The following OSBPL9 variants were observed in gnomAD, a reference collection of about 807,000 sequenced individuals.
The protein encoded by OSBPL9 is oxysterol-binding protein-related protein 9.
OSBPL9 carries 40 observed loss-of-function variants against 106.6 expected under a neutral mutation model. The ratio of observed to expected loss-of-function variants is 0.38; its 90% CI spans 0.29 to 0.49. The LOEUF (loss-of-function observed/expected upper bound fraction) is 0.49, where lower values mean the gene tolerates loss of function less well. Ranked by LOEUF, OSBPL9 falls within the 20% of genes least tolerant of loss-of-function variation. OSBPL9 has a pLI of 0.97. For missense variants in OSBPL9, 609 were observed against 887.2 expected, an observed-to-expected ratio of 0.69 and a Z score of 3.98; for synonymous variants, 269 against 295.4, an observed-to-expected ratio of 0.91 and a Z score of 0.92.
upstream of OSBPL9, among the ~76,000 whole-genome samples, chr1:51,615,529 T>C (rs1181186976): frequency 1.3e-5 from 2 of 152,214 alleles, no homozygotes; most frequent in Admixed American, 6.5e-5. Flanking sequence ...TCACTGCTGC[T>C]ATTCTCTCTT....
chr1:51,585,106 C>T (rs1318708524), intron 1 of OSBPL9, among the ~76,000 whole-genome samples: 1 of 150,866 alleles, frequency 6.6e-6, no homozygotes, highest in African/African-American at 2.4e-5. Context: ...CCCAGGAGTT[C>T]GAGGCTGCCA....
intron 4 of OSBPL9, among the ~76,000 whole-genome samples, chr1:51,737,234 A>G (rs1665898520): frequency 6.6e-6 from 1 of 152,006 alleles, no homozygotes; most frequent in Non-Finnish European, 1.5e-5. Context: ...CATTTGCCAG[A>G]TTTACTCCTG....
intron 1 of OSBPL9, among the ~76,000 whole-genome samples, chr1:51,579,055 AT>A (rs560800594): frequency 0.2 from 27,578 of 139,364 alleles, 3,738 homozygotes; most frequent in African/African-American, 0.41. Context: ...CTTCAGCAGA[AT>A]TTTTTTTTTT....
At position 51,730,179 on chromosome 1, in the gene OSBPL9, C is replaced by T. The variant is rs1319125372; in HGVS notation, c.319-15357C>T. The T allele has an allele frequency of 4.8e-6, 6 of 1,238,180 alleles. No homozygotes were observed. The East Asian group carries it at 1.9e-4, about 39-fold the overall frequency. The allele number at this position is 1,238,180 out of a possible 1,614,324, so 76.7% of individuals were successfully genotyped here. A position where few individuals can be genotyped will look rare whatever the true frequency, so the allele number is the denominator to read the frequency against. On this transcript the variant is annotated intron_variant, in intron 4 of 23. Coordinates refer to ENST00000428468, the MANE Select transcript of OSBPL9 (RefSeq NM_024586.6). ...CCTCTTCCTTGGGAGTTCTCAGTTC[C>T]TCAGCCTAGATGGGGTGGAGGCTGA... is the stretch of plus-strand genomic sequence containing the variant.
chr1:51,673,048 T>C (rs1361751161), intron 3 of OSBPL9, among the ~76,000 whole-genome samples: 1 of 152,094 alleles, frequency 6.6e-6, no homozygotes, highest in Non-Finnish European at 1.5e-5. Context: ...GAGGTCCAAC[T>C]ACAGAGCCCT....
intron 2 of OSBPL9, among the ~76,000 whole-genome samples, chr1:51,659,158 TCAGA>T (rs1646990651): frequency 6.6e-6 from 1 of 152,092 alleles, no homozygotes; most frequent in African/African-American, 2.4e-5. Context: ...AGAATTAATA[TCAGA>T]CATAGAATAC....
At chr1:51,745,340 T>C in intron 4 of OSBPL9, 196 bp from the exon 5 acceptor site, 1 of 672,808 alleles carries the variant, frequency 1.5e-6, no homozygotes, top group Non-Finnish European at 2.3e-6. Context: ...AGGGAAGCAG[T>C]GCTCCAAGTT....
In OSBPL9 at chr1:51,609,360, T is replaced by C. The variant is rs1303184214; in HGVS notation, c.-352-4945T>C. On this transcript the variant is annotated intron_variant, in intron 2 of 25. Transcript: ENST00000371714. The stretch of plus-strand genomic sequence containing the variant: ...CTCTCTCCTTTTTTTTTTTTTTTTT[T>C]AGAGATAGGGTGTCACTCTGTCGCC... 2.0e-5 allele frequency among the ~76,000 whole-genome samples: 3 copies of C among 150,062 alleles called. No homozygotes were observed. The East Asian group carries it at 5.9e-4, about 30-fold the overall frequency.
intron 8 of OSBPL9, 29 bp from the exon 9 acceptor site, chr1:51,756,291 A>G (rs1300128441): frequency 6.3e-7 from 1 of 1,592,792 alleles, no homozygotes; most frequent in South Asian, 1.1e-5. Flanking sequence ...GTAAGAATGA[A>G]GTTAATATTT....
chr1:51,761,844 T>C, intron 10 of OSBPL9, 23 bp from the exon 11 acceptor site: 2 of 1,548,684 alleles, frequency 1.3e-6, no homozygotes, highest in Non-Finnish European at 1.8e-6. Flanking sequence ...CTGTACCTTA[T>C]TTTATACGTT....
At chr1:51,675,620 A>G (rs1249449007) in intron 3 of OSBPL9, among the ~76,000 whole-genome samples, 1 of 152,184 alleles carries the variant, frequency 6.6e-6, no homozygotes, top group Non-Finnish European at 1.5e-5. Flanking sequence ...TAACAGGCTC[A>G]GAGGAATGAT....
chr1:51,787,982 A>G lies in OSBPL9; in HGVS notation c.*193A>G, dbSNP rs1678110279. On this transcript the variant is annotated 3_prime_UTR_variant, in exon 24 of 24. Coordinates refer to ENST00000428468, the MANE Select transcript of OSBPL9 (RefSeq NM_024586.6). Reference sequence around the variant, plus strand: ...CTTCCCTTTTCCCTCTGTGGCAGTTACGATTTTGACTTCAGTCCTGAGAAA... The same window carrying G: ...CTTCCCTTTTCCCTCTGTGGCAGTTGCGATTTTGACTTCAGTCCTGAGAAA... 1.8e-6 allele frequency: 1 copy of G among 560,122 alleles called. No individual in the cohort carries two copies. Among genetic ancestry groups the G allele is most frequent in the South Asian group, 2.5e-5 (1 of 40,230 alleles). The allele number at this position is 560,122 out of a possible 1,614,324, so 34.7% of individuals were successfully genotyped here. A position where few individuals can be genotyped will look rare whatever the true frequency, so the allele number is the denominator to read the frequency against.
chr1:51,693,370 C>T (rs1275642580), intron 3 of OSBPL9, among the ~76,000 whole-genome samples: 4 of 143,232 alleles, frequency 2.8e-5, no homozygotes, highest in African/African-American at 1.0e-4. Flanking sequence ...TTTTTTAAGA[C>T]TGTCTTTAAA....
At chr1:51,767,290 G>A (rs776687817) in intron 12 of OSBPL9, among the ~76,000 whole-genome samples, 5 of 151,982 alleles carry the variant, frequency 3.3e-5, no homozygotes, top group Admixed American at 2.6e-4. Context: ...CTACTCGGGA[G>A]GCTAAGATGG....
chr1:51,578,395 C>G (rs1645198985), intron 1 of OSBPL9, among the ~76,000 whole-genome samples: 1 of 152,154 alleles, frequency 6.6e-6, no homozygotes, highest in African/African-American at 2.4e-5. Context: ...TGTCTCAAAA[C>G]AAGGAGGCTC....
chr1:51,785,815 A>G lies in OSBPL9; in HGVS notation c.1837A>G (p.Asn613Asp). The G allele has an allele frequency of 6.2e-7, 1 of 1,609,820 alleles. No homozygotes were observed. Among genetic ancestry groups the G allele is most frequent in the Admixed American group, 1.7e-5 (1 of 58,792 alleles). ...HRITAEIFSP[N>D]DKKSFCSIEG... ...ATTTCCTTTTCTGTTCAGTTCTCCA[A>G]ATGACAAGAAGTCTTTTTGCTCAAT... The change falls in exon 21 of 24, where the codon AAT becomes GAT. Residue 613 changes from asparagine to aspartate, a missense_variant. Transcript: ENST00000428468.
At chr1:51,547,342 C>A in the OSBPL9 span, among the ~76,000 whole-genome samples, 1 of 152,058 alleles carries the variant, frequency 6.6e-6, no homozygotes, top group Non-Finnish European at 1.5e-5. Context: ...GCATACACAG[C>A]AAGATGAAGG....
intron 3 of OSBPL9, among the ~76,000 whole-genome samples, chr1:51,705,399 ATTTTTTTTTT>A (rs869169566): frequency 1.9e-3 from 77 of 40,382 alleles, no homozygotes; most frequent in South Asian, 3.4e-3. Context: ...ATATATATAT[ATTTTTTTTTT>A]TTTTTTTTTT....
Position 51,753,568 on chromosome 1 carries a change from T to C in OSBPL9, c.544-2752T>C, listed in dbSNP as rs1669716262. Among the ~76,000 whole-genome samples, 3 of 152,344 alleles carry C rather than the reference T, an allele frequency of 2.0e-5. No homozygotes were observed. In the South Asian group the frequency reaches 6.2e-4, roughly 32 times the overall value. ...AGACTCTTATTCACTGGCAGGTTAA[T>C]AAAATACCAGAATCAACTACTTTGA... On this transcript the variant is annotated intron_variant, in intron 8 of 23. Coordinates refer to ENST00000428468, the MANE Select transcript of OSBPL9 (RefSeq NM_024586.6).
Sources: allele counts gnomAD v4.1 joint callset (sites outside exome capture counted in the v4.1 genomes callset), GRCh38; gene constraint gnomAD v4.1.1; transcripts MANE v1.5; gene names NCBI Gene and HGNC (gene_info 2026-07-23, HGNC 2026-07-21).